The following SLC35E2B variants were observed in gnomAD, a reference collection of about 807,000 sequenced individuals.
SLC35E2B encodes the protein solute carrier family 35 member E2B.
SLC35E2B carries 18 observed loss-of-function variants against 32.4 expected under a neutral mutation model. That is an observed-to-expected ratio of 0.56 (90% CI 0.38 to 0.82). SLC35E2B has a LOEUF of 0.82. SLC35E2B is among the 40% of genes least tolerant of loss of function. The probability of loss-of-function intolerance (pLI) is 0.00; values close to 1 mark genes in which losing one functional copy is unlikely to be tolerated. For synonymous variants in SLC35E2B, 132 were observed against 209.1 expected (o/e 0.63, Z 3.18); for missense variants, 263 against 469.5 (o/e 0.56, Z 4.06).
At chr1:1,668,000 C>G (rs1225493841) in intron 9 of SLC35E2B, among the ~76,000 whole-genome samples, 2 of 151,660 alleles carry the variant, frequency 1.3e-5, no homozygotes, top group East Asian at 3.9e-4. Flanking sequence ...TTACAGGTGC[C>G]CAGCATCACA....
chr1:1,681,352 C>T (rs1318524641), intron 2 of SLC35E2B, among the ~76,000 whole-genome samples: 3 of 151,916 alleles, frequency 2.0e-5, no homozygotes, highest in Non-Finnish European at 4.4e-5. Context: ...CGCCCGCCAC[C>T]ACGCCTGGCT....
chr1:1,686,332 T>C (rs866671720), intron 2 of SLC35E2B, among the ~76,000 whole-genome samples: 154 of 150,534 alleles, frequency 1.0e-3, no homozygotes, highest in African/African-American at 3.5e-3. Flanking sequence ...TTTTTTTTTT[T>C]TTTTTTTGCT....
chr1:1,679,995 T>C (rs1355494442), intron 2 of SLC35E2B, among the ~76,000 whole-genome samples: 1 of 150,460 alleles, frequency 6.6e-6, no homozygotes, highest in East Asian at 2.0e-4. Flanking sequence ...CCGGGCGTAG[T>C]GGATGCCTGT....
chr1:1,680,605 G>C (rs573092707), intron 2 of SLC35E2B, among the ~76,000 whole-genome samples: 1 of 152,112 alleles, frequency 6.6e-6, no homozygotes, highest in Non-Finnish European at 1.5e-5. Flanking sequence ...GTGGGTGACT[G>C]TCCCGTCCCT....
intron 2 of SLC35E2B, among the ~76,000 whole-genome samples, chr1:1,681,097 G>A (rs936868329): frequency 6.6e-6 from 1 of 152,116 alleles, no homozygotes; most frequent in Non-Finnish European, 1.5e-5. Context: ...AGGCACCCAC[G>A]GTTCGTTCCT....
At chr1:1,671,488 C>T in intron 6 of SLC35E2B, 21 bp downstream of exon 6, 1 of 1,472,544 alleles carries the variant, frequency 6.8e-7, no homozygotes, top group Non-Finnish European at 9.1e-7. Flanking sequence ...CCCCCTCACG[C>T]CCACCTTCTC....
Position 1,669,697 on chromosome 1 carries a change from C to G in SLC35E2B, c.801G>C (p.Val267=). The part of the protein sequence containing the change: ...ELQFYTSAAA[V]AMLVPARVFF... ...AAACCCGGGCCGGGACGAGCATGGC[C>G]ACCGCAGCGGCGCTGGTGTAGAACT... The change falls in exon 8 of 10, where the codon GTG becomes GTC. Residue 267 remains valine, a synonymous_variant. Coordinates refer to ENST00000617444, the MANE Select transcript of SLC35E2B (RefSeq NM_001290264.2). 1 of 1,535,092 alleles carries G rather than the reference C, an allele frequency of 6.5e-7. No individual in the cohort carries two copies. Among genetic ancestry groups the G allele is most frequent in the African/African-American group, 1.4e-5 (1 of 72,828 alleles).
In SLC35E2B at chr1:1,682,401, GAAAC is replaced by G. The variant is rs549644481; in HGVS notation, c.-147-5559_-147-5556del. Reference sequence around the variant, plus strand: ...CCAACCTACGTGCCTGTCAACAGTAGAAACAAACACCTTATTGATGGAGCTGAAG... The same window carrying G: ...CCAACCTACGTGCCTGTCAACAGTAGAAACACCTTATTGATGGAGCTGAAG... On this transcript the variant is annotated intron_variant, in intron 2 of 9. Coordinates refer to ENST00000617444, the MANE Select transcript of SLC35E2B (RefSeq NM_001290264.2). Among the ~76,000 whole-genome samples the G allele has an allele frequency of 2.6e-5, 4 of 152,206 alleles. No homozygotes were observed. In the South Asian group the frequency reaches 8.3e-4, roughly 32 times the overall value.
At position 1,678,129 on chromosome 1, in the gene SLC35E2B, C is replaced by T. The variant is rs1023723879; in HGVS notation, c.-147-1283G>A. 5.8e-4 allele frequency among the ~76,000 whole-genome samples: 89 copies of T among 152,166 alleles called. 2 individuals are homozygous for T. The highest frequency in any genetic ancestry group is 1.9e-3 in the African/African-American group (77 of 41,418). ...TGTGGTGCCGGCCGTGCTGCCCGAC[C>T]CAGTACCCCTCCTCGTCTCACTTCT... On this transcript the variant is annotated intron_variant, in intron 2 of 9. Transcript: ENST00000617444.
rs569580207 is a variant in SLC35E2B, at chr1:1,675,015, G to A, written c.586+448C>T. Among the ~76,000 whole-genome samples the A allele has an allele frequency of 2.5e-4, 38 of 152,000 alleles. 2 individuals are homozygous for A. Among genetic ancestry groups the A allele is most frequent in the African/African-American group, 8.5e-4 (35 of 41,370 alleles). On this transcript the variant is annotated intron_variant, in intron 5 of 9. Coordinates refer to ENST00000617444, the MANE Select transcript of SLC35E2B (RefSeq NM_001290264.2). ...GGGTTGCAGCTGAGGTCAGGGGCTG[G>A]GGCCCAGGACAGGCCTGTGGTGGCG...
At chr1:1,667,270 G>A (rs746872234) in intron 9 of SLC35E2B, among the ~76,000 whole-genome samples, 6 of 151,904 alleles carry the variant, frequency 3.9e-5, no homozygotes, top group Non-Finnish European at 5.9e-5. Flanking sequence ...AAAATTAGCC[G>A]GGCGTGGTGG....
At chr1:1,681,205 T>C (rs571384407) in intron 2 of SLC35E2B, among the ~76,000 whole-genome samples, 18 of 152,100 alleles carry the variant, frequency 1.2e-4, no homozygotes, top group African/African-American at 4.3e-4. Context: ...CCTTTTCCTT[T>C]TCTTTTTTTC....
chr1:1,682,813 G>A (rs1340133771), intron 2 of SLC35E2B, among the ~76,000 whole-genome samples: 2 of 152,108 alleles, frequency 1.3e-5, no homozygotes, highest in Non-Finnish European at 2.9e-5. Flanking sequence ...GCCGGGCTTG[G>A]TGGCTCACGC....
At chr1:1,687,360 C>G (rs1400727538) in intron 2 of SLC35E2B, among the ~76,000 whole-genome samples, 2 of 151,666 alleles carry the variant, frequency 1.3e-5, no homozygotes, top group African/African-American at 4.9e-5. Flanking sequence ...GCGGATTACC[C>G]GAGCTCAGGA....
In SLC35E2B at chr1:1,680,703, C is replaced by A. The variant is rs925564686; in HGVS notation, c.-147-3857G>T. Reference sequence around the variant, plus strand: ...CATGAACCGTCCTCACCCCCAGCATCCCTGTCCCCACAGCTCCAAGGCCGC... The same window carrying A: ...CATGAACCGTCCTCACCCCCAGCATACCTGTCCCCACAGCTCCAAGGCCGC... On this transcript the variant is annotated intron_variant, in intron 2 of 9. Transcript: ENST00000617444. Among the ~76,000 whole-genome samples the A allele has an allele frequency of 5.9e-5, 9 of 152,154 alleles. No homozygotes were observed. The East Asian group carries it at 1.5e-3, about 26-fold the overall frequency.
chr1:1,689,735 C>T (rs1643997051), intron 2 of SLC35E2B, among the ~76,000 whole-genome samples: 1 of 151,516 alleles, frequency 6.6e-6, no homozygotes, highest in Non-Finnish European at 1.5e-5. Flanking sequence ...GCCTGTAATC[C>T]TAGCACTTTG....
chr1:1,665,631 G>C lies in SLC35E2B; in HGVS notation c.*151C>G. On this transcript the variant is annotated 3_prime_UTR_variant, in exon 10 of 10. Coordinates refer to ENST00000617444, the MANE Select transcript of SLC35E2B (RefSeq NM_001290264.2). ...GAATCCCCAGTTTGAGTTTCTGCTG[G>C]TCTTCACCGACAAACCGAGAAAGCC... 8.0e-7 allele frequency: 1 copy of C among 1,244,912 alleles called. No homozygotes were observed. Among genetic ancestry groups the C allele is most frequent in the Non-Finnish European group, 1.1e-6 (1 of 923,948 alleles). The allele number at this position is 1,244,912 out of a possible 1,614,324, so 77.1% of individuals were successfully genotyped here. A position where few individuals can be genotyped will look rare whatever the true frequency, so the allele number is the denominator to read the frequency against.
At chr1:1,690,462 G>C (rs1464973922) in intron 2 of SLC35E2B, among the ~76,000 whole-genome samples, 1 of 148,038 alleles carries the variant, frequency 6.8e-6, no homozygotes, top group East Asian at 2.0e-4. Context: ...ATGTTGGCGG[G>C]GCATGGTGGC....
intron 2 of SLC35E2B, among the ~76,000 whole-genome samples, chr1:1,677,627 G>A (rs1056240537): frequency 3.3e-5 from 5 of 151,710 alleles, no homozygotes; most frequent in Middle Eastern, 3.4e-3. Context: ...ACAGGCGTCC[G>A]CCACCACGTC....
Sources: allele counts gnomAD v4.1 joint callset (sites outside exome capture counted in the v4.1 genomes callset), GRCh38; gene constraint gnomAD v4.1.1; transcripts MANE v1.5; gene names NCBI Gene and HGNC (gene_info 2026-07-23, HGNC 2026-07-21).